Variants in ATP11C observed in about 807,000 individuals in gnomAD.
ATP11C encodes the protein ATPase phospholipid transporting 11C (ATP11C blood group), also known as phospholipid-transporting ATPase IG.
Under a neutral mutation model 97.4 loss-of-function variants are expected in ATP11C, and 36 were observed. The ratio of observed to expected loss-of-function variants is 0.37; its 90% CI spans 0.28 to 0.49. ATP11C has a LOEUF of 0.49. Among genes scored for constraint, ATP11C ranks in the 20% least tolerant of loss-of-function variants. The probability of loss-of-function intolerance (pLI) is 0.98; values close to 1 mark genes in which losing one functional copy is unlikely to be tolerated. For missense variants in ATP11C, 730 were observed against 824.6 expected (o/e 0.89, Z 1.40); for synonymous variants, 275 against 290.9 (o/e 0.95, Z 0.56).
Position 139,743,706 on chromosome X carries a change from T to A in ATP11C, c.2965-82A>T, listed in dbSNP as rs1485304787. 4 of 586,593 alleles carry A rather than the reference T, an allele frequency of 6.8e-6. No homozygotes were observed. The African/African-American group carries it at 9.3e-5, about 14-fold the overall frequency. 48.3% of individuals were successfully genotyped at this position (586,593 alleles called of 1,213,427 possible). A position where few individuals can be genotyped will look rare whatever the true frequency, so the allele number is the denominator to read the frequency against. On this transcript the variant is annotated intron_variant, in intron 25 of 29. Transcript: ENST00000682941. Reference sequence around the variant, plus strand: ...TTTTTCATTTAAAAAAAAAGCCAAGTTGAATCCTGTGTGTAAGTGCCAAAT... The same window carrying A: ...TTTTTCATTTAAAAAAAAAGCCAAGATGAATCCTGTGTGTAAGTGCCAAAT...
At chrX:139,794,769 C>G (rs966346016) in intron 12 of ATP11C, among the ~76,000 whole-genome samples, 4 of 111,689 alleles carry the variant, frequency 3.6e-5, no homozygotes, top group Non-Finnish European at 7.5e-5. Flanking sequence ...GGAACCTGAC[C>G]CGGGCATCTT....
chrX:139,896,573 ACACACACACACACACACAC>A (rs1487397614), intron 1 of ATP11C, among the ~76,000 whole-genome samples: 1 of 106,819 alleles, frequency 9.4e-6, no homozygotes, highest in African/African-American at 3.5e-5. Flanking sequence ...ACACACACAC[ACACACACACACACACACAC>A]ACTTTTTTTC....
Position 139,727,147 on chromosome X carries a change from C to T in ATP11C, c.*1819G>A, listed in dbSNP as rs890079942. 3.6e-5 allele frequency: 4 copies of T among 112,197 alleles called. No homozygotes were observed. In the Admixed American group the frequency reaches 3.8e-4, roughly 11 times the overall value. 9.2% of individuals were successfully genotyped at this position (112,197 alleles called of 1,213,427 possible). A position where few individuals can be genotyped will look rare whatever the true frequency, so the allele number is the denominator to read the frequency against. On this transcript the variant is annotated 3_prime_UTR_variant, in exon 30 of 30. Coordinates refer to ENST00000682941, the MANE Select transcript of ATP11C (RefSeq NM_001353812.2). ...TCCAATGGTACTGCATTAAACAAGCCTCTCTACTGTGGCTCTCTTGTCTGT... is the reference window on the plus strand; with the variant it reads ...TCCAATGGTACTGCATTAAACAAGCTTCTCTACTGTGGCTCTCTTGTCTGT...
intron 4 of ATP11C, among the ~76,000 whole-genome samples, 167 bp from the exon 5 acceptor site, chrX:139,815,152 GAC>G (rs1335549109): frequency 8.9e-6 from 1 of 112,063 alleles, no homozygotes; most frequent in Admixed American, 9.4e-5. Flanking sequence ...GCAAATCTGA[GAC>G]ACACTTTCAA....
At chrX:139,857,291 T>C (rs1038635658) in intron 1 of ATP11C, among the ~76,000 whole-genome samples, 3 of 112,110 alleles carry the variant, frequency 2.7e-5, no homozygotes, top group African/African-American at 6.5e-5. Context: ...TGTTAAAAGT[T>C]TGAAAAGAAA....
intron 1 of ATP11C, among the ~76,000 whole-genome samples, chrX:139,838,744 T>C (rs1390990515): frequency 8.9e-6 from 1 of 112,061 alleles, no homozygotes. Flanking sequence ...AGGTCAGTAG[T>C]TCGAGCCAGC....
At position 139,820,574 on chromosome X, in the gene ATP11C, T is replaced by C. The variant is rs953153771; in HGVS notation, c.148-1147A>G. 5.1e-4 allele frequency among the ~76,000 whole-genome samples: 56 copies of C among 110,100 alleles called. 1 individual carries two copies. The highest frequency in any genetic ancestry group is 1.9e-3 in the African/African-American group (56 of 30,205). On this transcript the variant is annotated intron_variant, in intron 2 of 29. Transcript: ENST00000682941. ...TTTCCATGACAGCTGGGAAGGTGTA[T>C]ACACAACCCTGGGCCATGGAGGGCT...
chrX:139,884,395 G>T (rs1046239992), intron 1 of ATP11C, among the ~76,000 whole-genome samples: 3 of 112,157 alleles, frequency 2.7e-5, no homozygotes, highest in African/African-American at 9.7e-5. Flanking sequence ...AGCTAGCAAT[G>T]GTCTGTTGTC....
At chrX:139,873,141 T>G (rs1191518259) in intron 1 of ATP11C, among the ~76,000 whole-genome samples, 2 of 112,525 alleles carry the variant, frequency 1.8e-5, no homozygotes, top group African/African-American at 3.2e-5. Flanking sequence ...CTGGTTTGAC[T>G]TGTAAATTTT....
chrX:139,927,476 C>T (rs1462970732), intron 1 of ATP11C, among the ~76,000 whole-genome samples: 7 of 110,727 alleles, frequency 6.3e-5, no homozygotes, highest in South Asian at 3.9e-4. Flanking sequence ...TGGTGGCAGG[C>T]GCCTGTAATC....
chrX:139,798,198 G>T, intron 10 of ATP11C, 75 bp downstream of exon 10: 2 of 892,525 alleles, frequency 2.2e-6, no homozygotes, highest in Admixed American at 2.9e-5. Flanking sequence ...TTTTTGTTAT[G>T]CTTGTTACTT....
intron 18 of ATP11C, among the ~76,000 whole-genome samples, chrX:139,777,117 A>G (rs192735365): frequency 1.4e-4 from 16 of 111,436 alleles, no homozygotes; most frequent in Admixed American, 5.7e-4. Context: ...CTGGCGGTAC[A>G]AAAAGCTGGG....
rs935246278 is a variant in ATP11C, at chrX:139,761,852, G to A, written c.2640+109C>T. The A allele has an allele frequency of 1.9e-5, 10 of 530,398 alleles. No homozygotes were observed. The African/African-American group carries it at 2.5e-4, about 13-fold the overall frequency. 43.7% of individuals were successfully genotyped at this position (530,398 alleles called of 1,213,427 possible). ...CTTTGTTGACTGCAAATTTCAGTAT[G>A]AGATATCAAAAGCAGCATTAAAAAA... On this transcript the variant is annotated intron_variant, in intron 22 of 29. Coordinates refer to ENST00000682941, the MANE Select transcript of ATP11C (RefSeq NM_001353812.2).
chrX:139,919,444 A>AACACAC (rs370999462), intron 1 of ATP11C, among the ~76,000 whole-genome samples: 801 of 73,920 alleles, frequency 0.011, 6 homozygotes, highest in Middle Eastern at 0.024. Context: ...CTCAAACTTA[A>AACACAC]ACACACACAC....
At chrX:139,832,031 T>G in intron 1 of ATP11C, 1 of 727,572 alleles carries the variant, frequency 1.4e-6, no homozygotes, top group Non-Finnish European at 2.0e-6. Flanking sequence ...GCTAACCATT[T>G]ACGATTACCC....
At chrX:139,774,556 G>A (rs2082313304) in intron 19 of ATP11C, 134 bp downstream of exon 19, 5 of 555,216 alleles carry the variant, frequency 9.0e-6, no homozygotes, top group Non-Finnish European at 1.1e-5. Context: ...CCTCAGGGAC[G>A]ATTTTAACTT....
At chrX:139,837,724 C>T (rs938578973) in intron 1 of ATP11C, among the ~76,000 whole-genome samples, 3 of 112,065 alleles carry the variant, frequency 2.7e-5, no homozygotes, top group Non-Finnish European at 5.6e-5. Flanking sequence ...TTAATGAGGA[C>T]TGATAGACCT....
At chrX:139,775,126 T>C (rs2082325017) in intron 18 of ATP11C, among the ~76,000 whole-genome samples, 173 bp from the exon 19 acceptor site, 2 of 111,963 alleles carry the variant, frequency 1.8e-5, no homozygotes, top group Non-Finnish European at 3.8e-5. Flanking sequence ...GTCTCGGGCA[T>C]AATTTTACTT....
chrX:139,865,146 G>A (rs149649840), intron 1 of ATP11C, among the ~76,000 whole-genome samples: 1 of 111,736 alleles, frequency 8.9e-6, no homozygotes, highest in African/African-American at 3.3e-5. Flanking sequence ...GAAGGCTGAG[G>A]CAGGATTGCT....
Sources: allele counts gnomAD v4.1 joint callset (sites outside exome capture counted in the v4.1 genomes callset), GRCh38; gene constraint gnomAD v4.1.1; transcripts MANE v1.5; gene names NCBI Gene and HGNC (gene_info 2026-07-23, HGNC 2026-07-21).